Variants in COL15A1 observed in about 807,000 individuals in gnomAD.
The protein encoded by COL15A1 is collagen alpha-1(XV) chain.
In COL15A1, 111 loss-of-function variants were observed where a neutral mutation model predicts 165.9. The observed-to-expected ratio is 0.67, with a 90% CI of 0.57 to 0.78. COL15A1 has a LOEUF of 0.78. Among genes scored for constraint, COL15A1 ranks in the 30% least tolerant of loss-of-function variants. The pLI, the probability that COL15A1 is intolerant of heterozygous loss-of-function variation, is 0.00. For synonymous variants in COL15A1, 659 were observed against 674.8 expected (o/e 0.98, Z 0.36); for missense variants, 1,745 against 1,789.7 (o/e 0.98, Z 0.45).
In COL15A1 at chr9:99,062,304, C is replaced by A; in HGVS notation, c.3591C>A (p.Asn1197Lys). 1 of 1,607,798 alleles carries A rather than the reference C, an allele frequency of 6.2e-7. No individual in the cohort carries two copies. The highest frequency in any genetic ancestry group is 1.3e-5 in the African/African-American group (1 of 74,926). The change falls in exon 38 of 42, where the codon AAC becomes AAA. Residue 1197 changes from asparagine to lysine, a missense_variant and splice_region_variant. By Grantham distance (94) the Asn-to-Lys change is moderately conservative (BLOSUM62 0). Coordinates refer to ENST00000375001, the MANE Select transcript of COL15A1 (RefSeq NM_001855.5). The part of the protein sequence containing the change: ...DSPPPPALSS[N>K]PHQLLPPPNP... ...CTCCACCCCCTGCGCTTTCCAGCAA[C>A]GTGAGTAGTTACCCTGTTGGACTGC...
chr9:99,003,568 C>T lies in COL15A1; in HGVS notation c.1181C>T (p.Pro394Leu). The T allele has an allele frequency of 1.3e-6, 2 of 1,539,378 alleles. No homozygotes were observed. The highest frequency in any genetic ancestry group is 1.8e-6 in the Non-Finnish European group (2 of 1,142,160). The change falls in exon 8 of 42, where the codon CCA becomes CTA. Residue 394 changes from proline (P) to leucine (L), a missense_variant. Transcript: ENST00000375001. ...GPTLSMSTEN[P>L]EEGVTPGPDN... ...ACCCTCTCTATGTCCACGGAGAACC[C>T]AGAGGAAGGGGTCACTCCAGTAAGT... is the stretch of plus-strand genomic sequence containing the variant.
chr9:98,981,910 T>A (rs1033104778), intron 2 of COL15A1, among the ~76,000 whole-genome samples: 1 of 152,058 alleles, frequency 6.6e-6, no homozygotes, highest in Non-Finnish European at 1.5e-5. Context: ...GCGCAAGTGA[T>A]CCTCCTGGCC....
intron 39 of COL15A1, among the ~76,000 whole-genome samples, chr9:99,066,599 G>GGTTTTT (rs1554692264): frequency 4.2e-5 from 3 of 71,040 alleles, no homozygotes; most frequent in Non-Finnish European, 5.6e-5. Flanking sequence ...ATTTTGTTCT[G>GGTTTTT]TTTTTTTTTT....
intron 2 of COL15A1, among the ~76,000 whole-genome samples, chr9:98,962,865 A>G (rs1837885295): frequency 6.6e-6 from 1 of 152,220 alleles, no homozygotes; most frequent in Non-Finnish European, 1.5e-5. Context: ...CAGCTCCAAG[A>G]GGGAAGGAAC....
rs114581725 is a variant in COL15A1, at chr9:99,032,982, C to G, written c.2044-1567C>G. ...AGAATGTGTGTCTTATACTCAATGTCCTGATTGAATTGTTTTCTTAACTCC... is the reference window on the plus strand; with the variant it reads ...AGAATGTGTGTCTTATACTCAATGTGCTGATTGAATTGTTTTCTTAACTCC... On this transcript the variant is annotated intron_variant, in intron 16 of 41. Transcript: ENST00000375001. Among the ~76,000 whole-genome samples, 721 of 152,248 alleles carry G rather than the reference C, an allele frequency of 4.7e-3. 5 individuals are homozygous for G. The highest frequency in any genetic ancestry group is 0.017 in the African/African-American group (692 of 41,536).
At chr9:98,954,344 T>C (rs62565487) in intron 2 of COL15A1, among the ~76,000 whole-genome samples, 1,682 of 152,320 alleles carry the variant, frequency 0.011, 19 homozygotes, top group Middle Eastern at 0.014. Context: ...CTGCTAGCAT[T>C]TGATGGACTG....
intron 2 of COL15A1, among the ~76,000 whole-genome samples, chr9:98,946,162 G>A (rs1443629796): frequency 2.0e-5 from 3 of 152,228 alleles, no homozygotes; most frequent in Non-Finnish European, 4.4e-5. Flanking sequence ...AGGTGGAGGT[G>A]TGAACATGTT....
chr9:98,991,692 G>A (rs1239146530), intron 5 of COL15A1, among the ~76,000 whole-genome samples: 1 of 151,924 alleles, frequency 6.6e-6, no homozygotes, highest in Admixed American at 6.6e-5. Flanking sequence ...AGACATAAAA[G>A]TTCTCCAAGT....
rs771618549 is a variant in COL15A1, at chr9:99,068,662, T to A, written c.3945T>A (p.Asp1315Glu). The change falls in exon 41 of 42, where the codon GAT becomes GAA. Residue 1315 changes from aspartate to glutamate, a missense_variant. Physicochemically the swap from Asp to Glu is conservative, Grantham distance 45. Coordinates refer to ENST00000375001, the MANE Select transcript of COL15A1 (RefSeq NM_001855.5). ...TTGATGGTCGAGACATAATGACAGA[T>A]CCTTCTTGGTAAGTGAGGGTGGAAG... ...YSFDGRDIMT[D>E]PSWPQKVIWH... 3.7e-5 allele frequency: 57 copies of A among 1,548,948 alleles called. No homozygotes were observed. Among genetic ancestry groups the A allele is most frequent in the Non-Finnish European group, 4.4e-5 (51 of 1,149,696 alleles).
Position 98,986,115 on chromosome 9 carries a change from G to C in COL15A1, c.648+3G>C. On this transcript the variant is annotated splice_donor_region_variant and intron_variant, in intron 3 of 41. Coordinates refer to ENST00000375001, the MANE Select transcript of COL15A1 (RefSeq NM_001855.5). ...CTACAGGGCTCGAGAGATTCACTGTGAGTTAAAGTCCCACTCCAGGTAGAT... is the reference window on the plus strand; with the variant it reads ...CTACAGGGCTCGAGAGATTCACTGTCAGTTAAAGTCCCACTCCAGGTAGAT... 1 of 1,609,886 alleles carries C rather than the reference G, an allele frequency of 6.2e-7. No individual in the cohort carries two copies.
chr9:99,041,161 A>G (rs1839398140), intron 23 of COL15A1: 1 of 152,744 alleles, frequency 6.5e-6, no homozygotes, highest in Non-Finnish European at 1.5e-5. Flanking sequence ...CAGGCCACTG[A>G]CCTTCAATAA....
intron 22 of COL15A1, 28 bp from the exon 23 acceptor site, chr9:99,040,493 A>G: frequency 1.9e-6 from 3 of 1,614,086 alleles, no homozygotes; most frequent in Non-Finnish European, 2.5e-6. Flanking sequence ...CTCCTAATCC[A>G]GCGTGCTCTA....
intron 2 of COL15A1, among the ~76,000 whole-genome samples, chr9:98,959,206 C>T (rs1327420916): frequency 1.8e-5 from 2 of 111,114 alleles, no homozygotes; most frequent in Admixed American, 2.6e-4. Context: ...GCCTAGGCAA[C>T]ATAGTGAGAC....
At chr9:99,017,098 A>G (rs1446797678) in intron 11 of COL15A1, among the ~76,000 whole-genome samples, 2 of 152,234 alleles carry the variant, frequency 1.3e-5, no homozygotes, top group African/African-American at 4.8e-5. Context: ...ACACTTGTAG[A>G]TAGAGATGAA....
intron 5 of COL15A1, among the ~76,000 whole-genome samples, chr9:98,992,402 C>T (rs999824513): frequency 7.2e-5 from 11 of 152,334 alleles, no homozygotes; most frequent in South Asian, 2.1e-4. Flanking sequence ...GCTTAGAGTG[C>T]GGGGCCCGCC....
chr9:98,980,704 G>C (rs528806532), intron 2 of COL15A1, among the ~76,000 whole-genome samples: 4 of 152,318 alleles, frequency 2.6e-5, no homozygotes, highest in African/African-American at 9.6e-5. Context: ...CTTTTGTCGA[G>C]GAGGGGTTAA....
chr9:99,064,460 G>A (rs1194089298), intron 39 of COL15A1, among the ~76,000 whole-genome samples: 2 of 152,180 alleles, frequency 1.3e-5, no homozygotes, highest in Non-Finnish European at 2.9e-5. Context: ...TACCAGGAAG[G>A]AATAGGTTCT....
chr9:98,954,000 C>T (rs1160772392), intron 2 of COL15A1, among the ~76,000 whole-genome samples: 1 of 152,228 alleles, frequency 6.6e-6, no homozygotes, highest in Non-Finnish European at 1.5e-5. Context: ...GGCAGGATGG[C>T]TGAAGAGCCG....
intron 30 of COL15A1, among the ~76,000 whole-genome samples, chr9:99,051,647 C>G (rs906862846): frequency 6.6e-6 from 1 of 152,202 alleles, no homozygotes; most frequent in South Asian, 2.1e-4. Context: ...TTCCTCCCCA[C>G]TCCCATCTTT....
Sources: allele counts gnomAD v4.1 joint callset (sites outside exome capture counted in the v4.1 genomes callset), GRCh38; gene constraint gnomAD v4.1.1; transcripts MANE v1.5; gene names NCBI Gene and HGNC (gene_info 2026-07-23, HGNC 2026-07-21).